Variants in BPTF observed in about 807,000 individuals in gnomAD.
BPTF encodes nucleosome-remodeling factor subunit BPTF.
BPTF carries 18 observed loss-of-function variants against 292.5 expected under a neutral mutation model. The ratio of observed to expected loss-of-function variants is 0.06; its 90% confidence interval spans 0.04 to 0.09. BPTF has a LOEUF of 0.09. BPTF is among the 10% of genes least tolerant of loss of function. The pLI, the probability that BPTF is intolerant of heterozygous loss-of-function variation, is 1.00. For synonymous variants in BPTF, 1,225 were observed against 1,251.9 expected (o/e 0.98, Z 0.45); for missense variants, 2,726 against 3,498.7 (o/e 0.78, Z 5.57).
At chr17:67,887,270 T>C (rs757411740) in intron 4 of BPTF, among the ~76,000 whole-genome samples, 5 of 152,222 alleles carry the variant, frequency 3.3e-5, no homozygotes, top group Non-Finnish European at 5.9e-5. Flanking sequence ...TTCATATCTT[T>C]TTCTCACTTT....
chr17:67,902,551 G>A (rs893632158), intron 7 of BPTF, among the ~76,000 whole-genome samples: 9 of 152,122 alleles, frequency 5.9e-5, no homozygotes, highest in Non-Finnish European at 1.2e-4. Context: ...CCTCCCATCA[G>A]CTTATGAGAG....
Position 67,945,883 on chromosome 17 carries a change from A to C in BPTF, c.7175A>C (p.Gln2392Pro). ...CAGATACCTTCCCAAGGCCAGCCAC[A>C]GTCACAACCCCAGGTACAGTCTTCA... ...SLQIPSQGQP[Q>P]SQPQVQSSTQ... is the part of the protein sequence containing the mutation. Residue 2392 changes from glutamine (Q) to proline (P), a missense_variant, in exon 21 of 28, where the codon CAG (glutamine) becomes CCG (proline). Physicochemically the swap from Gln to Pro is moderately conservative, Grantham distance 76. This residue lies in a region of BPTF where 570 missense variants were observed against 633.5 expected (regional missense o/e 0.90). Transcript: ENST00000306378. 1 of 1,614,200 alleles carries C rather than the reference A, an allele frequency of 6.2e-7. No individual in the cohort carries two copies. The highest frequency in any genetic ancestry group is 1.6e-4 in the Middle Eastern group (1 of 6,062).
chr17:67,953,760 C>G (rs1272608599), intron 23 of BPTF, among the ~76,000 whole-genome samples: 1 of 149,418 alleles, frequency 6.7e-6, no homozygotes, highest in African/African-American at 2.5e-5. Context: ...GTGTATTATT[C>G]GGAGAGATGG....
chr17:67,917,684 G>GT (rs1458540999), intron 11 of BPTF, among the ~76,000 whole-genome samples: 1 of 151,904 alleles, frequency 6.6e-6, no homozygotes, highest in East Asian at 1.9e-4. Flanking sequence ...CCAGGCTAGA[G>GT]TGCAATGGCA....
At position 67,838,484 on chromosome 17, in the gene BPTF, C is replaced by CT. The variant is rs796706461; in HGVS notation, c.613+12157dup. On this transcript the variant is annotated intron_variant, in intron 1 of 27. Transcript: ENST00000306378. Reference sequence around the variant, plus strand: ...TTGTGTAAACATGTGTATGTACATACTTTTTTTTTTGAGCTGGAGTATCGC... The same window carrying CT: ...TTGTGTAAACATGTGTATGTACATACTTTTTTTTTTTGAGCTGGAGTATCGC... Among the ~76,000 whole-genome samples, 339 of 149,728 alleles carry CT rather than the reference C, an allele frequency of 2.3e-3. 1 individual carries two copies. Among genetic ancestry groups the CT allele is most frequent in the African/African-American group, 7.6e-3 (312 of 40,918 alleles).
At chr17:67,841,289 A>G (rs1472162840) in intron 1 of BPTF, among the ~76,000 whole-genome samples, 2 of 152,086 alleles carry the variant, frequency 1.3e-5, no homozygotes, top group African/African-American at 2.4e-5. Context: ...CATGCCTGTA[A>G]TCCCAGCTAC....
chr17:67,923,729 C>T (rs1236686482), intron 14 of BPTF, among the ~76,000 whole-genome samples: 1 of 152,020 alleles, frequency 6.6e-6, no homozygotes, highest in African/African-American at 2.4e-5. Context: ...ATCCACCTGC[C>T]TCAGCCTCCC....
chr17:67,923,230 AT>A (rs1223896005), intron 14 of BPTF, among the ~76,000 whole-genome samples: 1 of 151,364 alleles, frequency 6.6e-6, no homozygotes, highest in East Asian at 2.0e-4. Flanking sequence ...TAATGTTTGT[AT>A]TTTTTGTACA....
At chr17:67,932,751 A>T (rs146274452) in intron 18 of BPTF, among the ~76,000 whole-genome samples, 1 of 152,086 alleles carries the variant, frequency 6.6e-6, no homozygotes, top group African/African-American at 2.4e-5. Context: ...TAAACCCTAT[A>T]CATTTATGAG....
chr17:67,847,576 G>C (rs1464186249), intron 1 of BPTF, among the ~76,000 whole-genome samples: 1 of 150,974 alleles, frequency 6.6e-6, no homozygotes. Flanking sequence ...GTTTGGGAGT[G>C]AGGCAGGAGA....
At chr17:67,859,255 C>T (rs1033950995) in intron 2 of BPTF, among the ~76,000 whole-genome samples, 1 of 152,216 alleles carries the variant, frequency 6.6e-6, no homozygotes, top group Non-Finnish European at 1.5e-5. Flanking sequence ...AGGCCATCCT[C>T]TCACCTCAGC....
Position 67,911,474 on chromosome 17 carries a change from C to A in BPTF, c.3590C>A (p.Ala1197Asp). 1 of 1,613,978 alleles carries A rather than the reference C, an allele frequency of 6.2e-7. No homozygotes were observed. The highest frequency in any genetic ancestry group is 8.5e-7 in the Non-Finnish European group (1 of 1,179,982). Residue 1197 changes from alanine (A) to aspartate (D), a missense_variant, in exon 11 of 28, where the codon GCC becomes GAC. Ala to Asp is a moderately radical substitution (Grantham distance 126, BLOSUM62 -2). Transcript: ENST00000306378. ...ATAGAAGAAAAAGTCTCTGACCTTG[C>A]CAGTAGAGGCCAGGAACCCAGTAAG... is the stretch of plus-strand genomic sequence containing the variant. Reference protein sequence around the residue: ...NDIEEKVSDLASRGQEPSKSK... With the variant: ...NDIEEKVSDLDSRGQEPSKSK...
chr17:67,934,334 A>T (rs1390687140), intron 18 of BPTF, among the ~76,000 whole-genome samples: 1 of 152,050 alleles, frequency 6.6e-6, no homozygotes, highest in Non-Finnish European at 1.5e-5. Flanking sequence ...CCTGGCCAAC[A>T]TGGTGAAACC....
chr17:67,878,034 G>A (rs1008798674), intron 4 of BPTF, among the ~76,000 whole-genome samples: 3 of 152,072 alleles, frequency 2.0e-5, no homozygotes, highest in African/African-American at 7.2e-5. Flanking sequence ...TTACCATATC[G>A]TGCCCCCTTT....
At chr17:67,971,497 A>AG (rs2068754367) in intron 26 of BPTF, among the ~76,000 whole-genome samples, 1 of 152,012 alleles carries the variant, frequency 6.6e-6, no homozygotes, top group African/African-American at 2.4e-5. Context: ...AAAAAAAAAA[A>AG]AGAGTTATTT....
chr17:67,900,761 A>G (rs892169807), intron 7 of BPTF, among the ~76,000 whole-genome samples: 3 of 152,028 alleles, frequency 2.0e-5, no homozygotes, highest in African/African-American at 7.2e-5. Flanking sequence ...TGTAATCCCA[A>G]CACTTTGAGA....
chr17:67,978,498 C>G (rs2069855850), intron 27 of BPTF, among the ~76,000 whole-genome samples: 1 of 151,290 alleles, frequency 6.6e-6, no homozygotes, highest in Non-Finnish European at 1.5e-5. Flanking sequence ...GGGGTTTCAC[C>G]ATGTTGACCA....
At chr17:67,828,831 C>T (rs2056370722) in intron 1 of BPTF, among the ~76,000 whole-genome samples, 1 of 152,192 alleles carries the variant, frequency 6.6e-6, no homozygotes, top group Admixed American at 6.5e-5. Context: ...CCTGGTCTGA[C>T]ATTTTGTTTT....
At chr17:67,919,220 A>AT (rs2063273260) in intron 12 of BPTF, among the ~76,000 whole-genome samples, 1 of 143,638 alleles carries the variant, frequency 7.0e-6, no homozygotes, top group Admixed American at 7.0e-5. Context: ...AATAATAATA[A>AT]AATATAATGC....
Sources: allele counts gnomAD v4.1 joint callset (sites outside exome capture counted in the v4.1 genomes callset), GRCh38; gene constraint gnomAD v4.1.1; regional missense constraint gnomAD v4.1.1; transcripts MANE v1.5; gene names NCBI Gene and HGNC (gene_info 2026-07-23, HGNC 2026-07-21).